Variants in IMMP2L observed in about 807,000 individuals in gnomAD.
The protein encoded by IMMP2L is mitochondrial inner membrane protease subunit 2.
IMMP2L carries 18 observed loss-of-function variants against 19.3 expected under a neutral mutation model. The observed-to-expected ratio is 0.93, with a 90% CI of 0.64 to 1.38. The LOEUF is 1.38. Among genes scored for constraint, IMMP2L ranks in the 40% most tolerant of loss-of-function variants. The probability of loss-of-function intolerance (pLI) is 0.00; values close to 1 mark genes in which losing one functional copy is unlikely to be tolerated. For synonymous variants in IMMP2L, 76 were observed against 73.0 expected (o/e 1.04, Z -0.21); for missense variants, 233 against 218.2 (o/e 1.07, Z -0.43).
chr7:111,467,922 C>A (rs1438145225), intron 3 of IMMP2L, among the ~76,000 whole-genome samples: 2 of 152,002 alleles, frequency 1.3e-5, no homozygotes, highest in South Asian at 4.2e-4. Context: ...TCAGCTAAGG[C>A]AAATGAGGTT....
intron 3 of IMMP2L, among the ~76,000 whole-genome samples, chr7:111,073,289 G>A (rs1335461843): frequency 6.6e-6 from 1 of 152,074 alleles, no homozygotes; most frequent in Non-Finnish European, 1.5e-5. Context: ...GAGAGAGGAG[G>A]AGAGAGAGCA....
At chr7:111,019,449 C>T (rs1452898147) in intron 3 of IMMP2L, among the ~76,000 whole-genome samples, 1 of 152,100 alleles carries the variant, frequency 6.6e-6, no homozygotes, top group Non-Finnish European at 1.5e-5. Flanking sequence ...GTCACAACCC[C>T]ACCCTCCTGG....
At chr7:111,078,003 T>C (rs1258328842) in intron 3 of IMMP2L, among the ~76,000 whole-genome samples, 1 of 152,236 alleles carries the variant, frequency 6.6e-6, no homozygotes, top group East Asian at 1.9e-4. Flanking sequence ...TAATACTGCA[T>C]GTTAATAATC....
At chr7:110,921,054 A>G (rs1814220971) in intron 4 of IMMP2L, among the ~76,000 whole-genome samples, 1 of 152,232 alleles carries the variant, frequency 6.6e-6, no homozygotes, top group South Asian at 2.1e-4. Context: ...AAGAATAAGA[A>G]TTAGAACTGC....
In IMMP2L at chr7:110,983,132, A is replaced by ATTGTTT. The variant is rs754150436; in HGVS notation, c.240-19568_240-19567insAAACAA. Among the ~76,000 whole-genome samples, 310 of 152,192 alleles carry ATTGTTT rather than the reference A, an allele frequency of 2.0e-3. 2 individuals are homozygous for ATTGTTT. Among genetic ancestry groups the ATTGTTT allele is most frequent in the Non-Finnish European group, 3.5e-3 (235 of 67,912 alleles). ...ATGTAAATAATTTTTACAAACAAAT[A>ATTGTTT]TAAATACATTGAAGAGTTCTGTTAT... On this transcript the variant is annotated intron_variant, in intron 3 of 5. Transcript: ENST00000405709.
chr7:111,088,571 T>A (rs1186180708), intron 3 of IMMP2L, among the ~76,000 whole-genome samples: 1 of 152,020 alleles, frequency 6.6e-6, no homozygotes, highest in Non-Finnish European at 1.5e-5. Context: ...GGTAATATGG[T>A]GGAAAAAACC....
At chr7:111,469,001 AC>A (rs1474849818) in intron 3 of IMMP2L, among the ~76,000 whole-genome samples, 1 of 152,138 alleles carries the variant, frequency 6.6e-6, no homozygotes, top group East Asian at 1.9e-4. Context: ...AGCTAAAATT[AC>A]AGGTATGATG....
rs537484323 is a variant in IMMP2L, at chr7:110,741,304, TAATAA to T, written c.409-77588_409-77584del. Among the ~76,000 whole-genome samples, 9 of 152,190 alleles carry T rather than the reference TAATAA, an allele frequency of 5.9e-5. No individual in the cohort carries two copies. In the East Asian group the frequency reaches 1.5e-3, roughly 26 times the overall value. On this transcript the variant is annotated intron_variant, in intron 5 of 5. Coordinates refer to ENST00000405709, the MANE Select transcript of IMMP2L (RefSeq NM_032549.4). The stretch of plus-strand genomic sequence containing the variant: ...CCCCAAAACCCATTGAAATAAAAAA[TAATAA>T]AATAAAATACAAATAAATTGATGAA...
intron 3 of IMMP2L, among the ~76,000 whole-genome samples, chr7:111,107,895 A>T (rs1312288805): frequency 1.3e-5 from 2 of 152,156 alleles, no homozygotes; most frequent in African/African-American, 4.8e-5. Flanking sequence ...AAATTTTACT[A>T]GTTTCATGTG....
chr7:111,444,232 C>T (rs1361317495), intron 3 of IMMP2L, among the ~76,000 whole-genome samples: 1 of 152,060 alleles, frequency 6.6e-6, no homozygotes, highest in Non-Finnish European at 1.5e-5. Flanking sequence ...TCCGCTGATA[C>T]ATATATTTAT....
chr7:111,097,905 AG>A lies in IMMP2L; in HGVS notation c.240-134341del, dbSNP rs371441739. On this transcript the variant is annotated intron_variant, in intron 3 of 5. Transcript: ENST00000405709. The stretch of plus-strand genomic sequence containing the variant: ...TATATTTTGATTTCTACAAAGGCCA[AG>A]GGGTTAATGACCTTAAACTGCAGGT... 2.1e-3 allele frequency among the ~76,000 whole-genome samples: 325 copies of A among 151,996 alleles called. 2 individuals are homozygous for A. The highest frequency in any genetic ancestry group is 7.3e-3 in the African/African-American group (304 of 41,528).
intron 5 of IMMP2L, among the ~76,000 whole-genome samples, chr7:110,733,129 A>C (rs900642831): frequency 1.3e-5 from 2 of 152,166 alleles, no homozygotes; most frequent in Non-Finnish European, 2.9e-5. Flanking sequence ...AGTTGCAAAA[A>C]ATAGAGAATC....
At chr7:110,759,278 C>T (rs563754099) in intron 5 of IMMP2L, among the ~76,000 whole-genome samples, 12 of 152,182 alleles carry the variant, frequency 7.9e-5, no homozygotes, top group African/African-American at 2.4e-4. Context: ...TGCCTTGTAA[C>T]GATCTGTTTA....
At chr7:111,039,243 C>T (rs2129570567) in intron 3 of IMMP2L, among the ~76,000 whole-genome samples, 1 of 152,194 alleles carries the variant, frequency 6.6e-6, no homozygotes, top group Non-Finnish European at 1.5e-5. Context: ...AATTTAAAAG[C>T]TTAAGTTTCA....
chr7:111,273,994 A>G (rs1464760728), intron 3 of IMMP2L, among the ~76,000 whole-genome samples: 1 of 152,160 alleles, frequency 6.6e-6, no homozygotes, highest in African/African-American at 2.4e-5. Context: ...CAGTCAACAT[A>G]TAATTTTCAA....
intron 5 of IMMP2L, among the ~76,000 whole-genome samples, chr7:110,714,247 A>T (rs1280959430): frequency 2.6e-5 from 4 of 152,154 alleles, no homozygotes; most frequent in African/African-American, 9.7e-5. Flanking sequence ...CGTATGTTGA[A>T]CCAAACTTGC....
At chr7:111,445,418 A>G (rs1005509674) in intron 3 of IMMP2L, among the ~76,000 whole-genome samples, 11 of 151,714 alleles carry the variant, frequency 7.3e-5, no homozygotes, top group Admixed American at 5.2e-4. Context: ...ACAAACATAC[A>G]TACATACATA....
chr7:111,344,524 A>C lies in IMMP2L; in HGVS notation c.239+142714T>G, dbSNP rs187670095. On this transcript the variant is annotated intron_variant, in intron 3 of 5. Coordinates refer to ENST00000405709, the MANE Select transcript of IMMP2L (RefSeq NM_032549.4). ...TCTTCAGCATATTCCCAATAGATAG[A>C]GCCATGTCTGGCATACAGTAGAAAG... Among the ~76,000 whole-genome samples the C allele has an allele frequency of 5.4e-3, 822 of 152,310 alleles. 7 individuals are homozygous for C. Among genetic ancestry groups the C allele is most frequent in the African/African-American group, 0.019 (783 of 41,576 alleles).
intron 3 of IMMP2L, among the ~76,000 whole-genome samples, chr7:111,342,279 T>A (rs1441512227): frequency 2.6e-5 from 4 of 152,044 alleles, no homozygotes; most frequent in African/African-American, 9.7e-5. Flanking sequence ...AAAATCTTTT[T>A]TGCATATATA....
Sources: allele counts gnomAD v4.1 joint callset (sites outside exome capture counted in the v4.1 genomes callset), GRCh38; gene constraint gnomAD v4.1.1; transcripts MANE v1.5; gene names NCBI Gene and HGNC (gene_info 2026-07-23, HGNC 2026-07-21).